CCDC187: variants seen among roughly 807,000 people sequenced by gnomAD.
CCDC187 encodes coiled-coil domain containing 187, also known as coiled-coil domain-containing protein 187.
Under a neutral mutation model 38.0 loss-of-function variants are expected in CCDC187, and 32 were observed. The ratio of observed to expected loss-of-function variants is 0.84; its 90% CI spans 0.64 to 1.13. The LOEUF is 1.13. Ranked by LOEUF, CCDC187 falls within the 50% of genes most tolerant of loss-of-function variation. The probability of loss-of-function intolerance (pLI) is 0.00; values close to 1 mark genes in which losing one functional copy is unlikely to be tolerated. For missense variants in CCDC187, 707 were observed against 786.8 expected (o/e 0.90, Z 1.21); for synonymous variants, 333 against 347.9 (o/e 0.96, Z 0.48).
At chr9:136,275,646 C>T (rs1830917981) in intron 12 of CCDC187, among the ~76,000 whole-genome samples, 1 of 152,218 alleles carries the variant, frequency 6.6e-6, no homozygotes, top group Admixed American at 6.5e-5. Flanking sequence ...CCGTCAGCCA[C>T]CCGATCAATC....
At chr9:136,261,762 G>A (rs77222745) in intron 19 of CCDC187, among the ~76,000 whole-genome samples, 7,170 of 152,300 alleles carry the variant, frequency 0.047, 245 homozygotes, top group Non-Finnish European at 0.069. Flanking sequence ...CTGCTCCCCC[G>A]GGTCTGCGCT....
intron 17 of CCDC187, 109 bp downstream of exon 17, chr9:136,265,847 G>A: frequency 1.2e-5 from 6 of 511,584 alleles, no homozygotes; most frequent in Non-Finnish European, 1.5e-5. Context: ...AAGGGCTTGG[G>A]AATTCTTTAG....
intron 2 of CCDC187, among the ~76,000 whole-genome samples, chr9:136,301,388 A>G: frequency 6.6e-6 from 1 of 151,992 alleles, no homozygotes; most frequent in Non-Finnish European, 1.5e-5. Flanking sequence ...AGCTACAGAG[A>G]CAGGAAGTAG....
Position 136,291,201 on chromosome 9 carries a change from C to T in CCDC187, c.1412G>A (p.Arg471His), listed in dbSNP as rs1009259533. 1.4e-4 allele frequency: 54 copies of T among 398,270 alleles called. No individual in the cohort carries two copies. In the Admixed American group the frequency reaches 2.1e-3, roughly 16 times the overall value. The allele number at this position is 398,270 out of a possible 1,614,324, so 24.7% of individuals were successfully genotyped here. A position where few individuals can be genotyped will look rare whatever the true frequency, so the allele number is the denominator to read the frequency against. The change falls in exon 6 of 26, where the codon CGC becomes CAC. Residue 471 changes from arginine to histidine, a missense_variant. Coordinates refer to ENST00000638797, the MANE Select transcript of CCDC187 (RefSeq NM_001378188.1). ...GGGACTCTCCGGCCTCTGGAAGGAG[C>T]GGTCCTGTCCTTGGGCCCCCCAGGC... ...QRAWGAQGQD[R>H]SFQRPESPHE...
At chr9:136,299,034 C>T (rs1005692077) in intron 3 of CCDC187, among the ~76,000 whole-genome samples, 149 of 152,224 alleles carry the variant, frequency 9.8e-4, no homozygotes, top group African/African-American at 3.4e-3. Flanking sequence ...CCTGAGTGAC[C>T]CATTGCTGGA....
chr9:136,280,593 A>G (rs1458293595), intron 10 of CCDC187, among the ~76,000 whole-genome samples: 1 of 151,952 alleles, frequency 6.6e-6, no homozygotes, highest in Non-Finnish European at 1.5e-5. Flanking sequence ...GTGTGGCTCC[A>G]GGGCCCTGGG....
intron 7 of CCDC187, among the ~76,000 whole-genome samples, chr9:136,289,480 T>C (rs1170446994): frequency 1.5e-4 from 20 of 134,162 alleles, no homozygotes; most frequent in African/African-American, 4.6e-4. Context: ...GATCGTGCCA[T>C]TGCGCTCCAG....
In CCDC187 at chr9:136,252,078, C is replaced by T. The variant is rs1312191469; in HGVS notation, c.*1516G>A. On this transcript the variant is annotated 3_prime_UTR_variant, in exon 26 of 26. Coordinates refer to ENST00000638797, the MANE Select transcript of CCDC187 (RefSeq NM_001378188.1). ...GGCAACCATCCCGCACAGCCGGCCGCCCACCCCGTCCACCAGGGGAAGGTC... is the reference window on the plus strand; with the variant it reads ...GGCAACCATCCCGCACAGCCGGCCGTCCACCCCGTCCACCAGGGGAAGGTC... The T allele has an allele frequency of 4.7e-5, 6 of 128,082 alleles. No homozygotes were observed. Among genetic ancestry groups the T allele is most frequent in the East Asian group, 4.7e-4 (2 of 4,224 alleles). 7.9% of individuals were successfully genotyped at this position (128,082 alleles called of 1,614,324 possible).
intron 14 of CCDC187, among the ~76,000 whole-genome samples, chr9:136,270,238 C>T (rs1432145316): frequency 3.9e-5 from 6 of 152,126 alleles, no homozygotes; most frequent in Non-Finnish European, 5.9e-5. Flanking sequence ...CAGCTGGGCC[C>T]GGGGGACCAC....
intron 4 of CCDC187, among the ~76,000 whole-genome samples, chr9:136,293,403 AAACACTCACATGCTCACATACT>A (rs1831415630): frequency 1.3e-5 from 1 of 78,092 alleles, no homozygotes; most frequent in African/African-American, 5.0e-5. Flanking sequence ...ACACACTCAC[AAACACTCACATGCTCACATACT>A]CTCACATGCT....
chr9:136,293,396 C>T lies in CCDC187; in HGVS notation c.833-1101G>A, dbSNP rs1313324021. 5.6e-3 allele frequency among the ~76,000 whole-genome samples: 501 copies of T among 90,002 alleles called. 9 individuals carry two copies. Among genetic ancestry groups the T allele is most frequent in the South Asian group, 0.015 (43 of 2,924 alleles). 59.0% of individuals were successfully genotyped at this position (90,002 alleles called of 152,430 possible). Reference sequence around the variant, plus strand: ...ACACACTCACACTCACATGCTCACACACTCACAAACACTCACATGCTCACA... The same window carrying T: ...ACACACTCACACTCACATGCTCACATACTCACAAACACTCACATGCTCACA... On this transcript the variant is annotated intron_variant, in intron 4 of 25. Coordinates refer to ENST00000638797, the MANE Select transcript of CCDC187 (RefSeq NM_001378188.1).
At chr9:136,274,329 C>T in intron 14 of CCDC187, among the ~76,000 whole-genome samples, 1 of 152,242 alleles carries the variant, frequency 6.6e-6, no homozygotes, top group East Asian at 1.9e-4. Flanking sequence ...GGCTGGTCCC[C>T]CAGCTCTAGG....
intron 14 of CCDC187, among the ~76,000 whole-genome samples, chr9:136,273,853 G>T (rs1554762775): frequency 6.6e-6 from 1 of 152,256 alleles, no homozygotes; most frequent in African/African-American, 2.4e-5. Context: ...CTGGAGATGG[G>T]GCGACTGTGG....
Position 136,271,525 on chromosome 9 carries a change from A to T in CCDC187, c.3442+3133T>A, listed in dbSNP as rs542184770. On this transcript the variant is annotated intron_variant, in intron 14 of 25. Coordinates refer to ENST00000638797, the MANE Select transcript of CCDC187 (RefSeq NM_001378188.1). ...AACAGAGCGAGACTCTGTCTCAAAA[A>T]ATAAAAATTAAAAAATGAAGAATAA... Among the ~76,000 whole-genome samples the T allele has an allele frequency of 7.9e-5, 12 of 152,274 alleles. No individual in the cohort carries two copies. In the South Asian group the frequency reaches 2.5e-3, roughly 32 times the overall value.
chr9:136,293,472 C>T (rs1291422197), intron 4 of CCDC187, among the ~76,000 whole-genome samples: 3 of 148,790 alleles, frequency 2.0e-5, no homozygotes, highest in Non-Finnish European at 4.4e-5. Context: ...CACTCACATG[C>T]TCACACACTC....
In CCDC187 at chr9:136,258,839, A is replaced by G. The variant is rs79679719; in HGVS notation, c.4366+93T>C. Reference sequence around the variant, plus strand: ...TCTTCTTTGCTTTCCGTCCTTGTCCAGTGGCTGAGCTCCAGCCTCGGACAG... The same window carrying G: ...TCTTCTTTGCTTTCCGTCCTTGTCCGGTGGCTGAGCTCCAGCCTCGGACAG... On this transcript the variant is annotated intron_variant, in intron 22 of 25. Coordinates refer to ENST00000638797, the MANE Select transcript of CCDC187 (RefSeq NM_001378188.1). This position sits in a 1 kb window ranked among gnomAD's most constrained non-coding sequence, Gnocchi z 4.3. The G allele has an allele frequency of 0.022, 21,617 of 985,512 alleles. 257 individuals are homozygous for G. Among genetic ancestry groups the G allele is most frequent in the Non-Finnish European group, 0.024 (19,669 of 830,004 alleles). 61.0% of individuals were successfully genotyped at this position (985,512 alleles called of 1,614,324 possible).
intron 12 of CCDC187, among the ~76,000 whole-genome samples, chr9:136,275,442 CCACACACACACACGTGCACA>C (rs1830912998): frequency 6.6e-6 from 1 of 151,676 alleles, no homozygotes; most frequent in African/African-American, 2.4e-5. Flanking sequence ...ATGTGTACTC[CCACACACACACACGTGCACA>C]CACACCCACA....
chr9:136,253,925 G>A lies in CCDC187; in HGVS notation c.5903C>T (p.Ala1968Val), dbSNP rs1830580535. Residue 1968 changes from alanine to valine, a missense_variant, in exon 26 of 26, where the codon GCC becomes GTC. Ala to Val is a moderately conservative substitution (Grantham distance 64, BLOSUM62 0). Transcript: ENST00000638797. ...SRAPGPGGNG[A>V]PTVLEEACPL... ...ACAGGCTTCCTCCAGGACAGTGGGG[G>A]CCCCATTCCCACCAGGCCCAGGCGC... 1 of 985,534 alleles carries A rather than the reference G, an allele frequency of 1.0e-6. No individual in the cohort carries two copies. The highest frequency in any genetic ancestry group is 1.2e-6 in the Non-Finnish European group (1 of 830,022). The allele number at this position is 985,534 out of a possible 1,614,324, so 61.0% of individuals were successfully genotyped here. A position where few individuals can be genotyped will look rare whatever the true frequency, so the allele number is the denominator to read the frequency against.
At chr9:136,299,445 C>T (rs987362532) in intron 3 of CCDC187, among the ~76,000 whole-genome samples, 10 of 152,212 alleles carry the variant, frequency 6.6e-5, no homozygotes, top group African/African-American at 1.9e-4. Flanking sequence ...GAGCCCGAAA[C>T]GCCTCCGCTC....
Sources: allele counts gnomAD v4.1 joint callset (sites outside exome capture counted in the v4.1 genomes callset), GRCh38; gene constraint gnomAD v4.1.1; non-coding constraint Gnocchi (gnomAD v3.1); transcripts MANE v1.5; gene names NCBI Gene and HGNC (gene_info 2026-07-23, HGNC 2026-07-21).